Variants in ZFYVE28 observed in about 807,000 individuals in gnomAD.
ZFYVE28 encodes zinc finger FYVE-type containing 28.
A neutral mutation model predicts 82.1 loss-of-function variants in ZFYVE28; 40 were observed. That is an observed-to-expected ratio of 0.49 (90% CI 0.38 to 0.63). The LOEUF is 0.63. Ranked by LOEUF, ZFYVE28 falls within the 30% of genes least tolerant of loss-of-function variation. The pLI is 0.00. For synonymous variants in ZFYVE28, 612 were observed against 546.1 expected, an observed-to-expected ratio of 1.12 and a Z score of -1.68; for missense variants, 1,321 against 1,242.1, an observed-to-expected ratio of 1.06 and a Z score of -0.96.
intron 8 of ZFYVE28, among the ~76,000 whole-genome samples, chr4:2,291,303 C>G (rs369884607): frequency 5.3e-5 from 8 of 152,216 alleles, no homozygotes; most frequent in African/African-American, 1.7e-4. Context: ...GCTGTTCCCC[C>G]TGGAATTTTC....
At chr4:2,381,134 C>T (rs1261685410) in intron 1 of ZFYVE28, among the ~76,000 whole-genome samples, 1 of 150,938 alleles carries the variant, frequency 6.6e-6, no homozygotes, top group East Asian at 2.0e-4. Context: ...AAGGTCCAGG[C>T]TGAGGTGGTC....
intron 8 of ZFYVE28, chr4:2,287,303 T>C (rs6846879): frequency 0.62 from 94,776 of 152,224 alleles, 29,901 homozygotes; most frequent in African/African-American, 0.69. Flanking sequence ...GGGCAGGTTA[T>C]GTGGTCCAGA....
In ZFYVE28 at chr4:2,270,398, G is replaced by T; in HGVS notation, c.*327C>A. On this transcript the variant is annotated 3_prime_UTR_variant, in exon 13 of 13. Coordinates refer to ENST00000290974, the MANE Select transcript of ZFYVE28 (RefSeq NM_020972.3). ...CTTGTCCACCTCCATCACCCGCCCC[G>T]ATTCCCATAGCCCCAGCAGATCTCC... is the stretch of plus-strand genomic sequence containing the variant. 2.8e-6 allele frequency: 1 copy of T among 362,464 alleles called. No individual in the cohort carries two copies. The highest frequency in any genetic ancestry group is 5.2e-6 in the Non-Finnish European group (1 of 192,752). 22.5% of individuals were successfully genotyped at this position (362,464 alleles called of 1,614,324 possible).
rs1178070978 is a variant in ZFYVE28 at position 2,327,180 on chromosome 4, G to A, written c.702-6909C>T. ...CAGGAGAATCGCTTGAACCCAGTAG[G>A]TGGAGGTTGTAGTGAGCTGAGATCG... On this transcript the variant is annotated intron_variant, in intron 6 of 12. Coordinates refer to ENST00000290974, the MANE Select transcript of ZFYVE28 (RefSeq NM_020972.3). Among the ~76,000 whole-genome samples the A allele has an allele frequency of 2.7e-5, 4 of 149,488 alleles. No individual in the cohort carries two copies. In the East Asian group the frequency reaches 7.9e-4, roughly 30 times the overall value.
Position 2,305,189 on chromosome 4 carries a change from G to C in ZFYVE28, c.1151C>G (p.Ser384Cys). 1 of 1,600,694 alleles carries C rather than the reference G, an allele frequency of 6.2e-7. No individual in the cohort carries two copies. Among genetic ancestry groups the C allele is most frequent in the Non-Finnish European group, 8.5e-7 (1 of 1,171,454 alleles). ...TGACCGCAGGCGCGGTCTACCTGGA[G>C]AGGCCTCCCCGCCTGGGCTGCCCTC... ...GAEGSPGGEA[S>C]PGRPRLRSGS... is the part of the protein sequence containing the mutation. Residue 384 changes from serine (S) to cysteine (C), a missense_variant, in exon 8 of 13, where the codon TCT becomes TGT. Around this residue, in one of 2 missense-constraint regions of ZFYVE28, gnomAD observed 978 missense variants for 833.7 expected, o/e 1.17. Transcript: ENST00000290974.
At chr4:2,351,679 A>G (rs977075575) in intron 2 of ZFYVE28, among the ~76,000 whole-genome samples, 3 of 152,066 alleles carry the variant, frequency 2.0e-5, no homozygotes, top group African/African-American at 7.2e-5. Flanking sequence ...GTATGACTGC[A>G]CTCCAGCCTG....
intron 8 of ZFYVE28, among the ~76,000 whole-genome samples, chr4:2,301,708 A>T (rs189343182): frequency 8.6e-5 from 13 of 150,958 alleles, no homozygotes; most frequent in Non-Finnish European, 1.9e-4. Context: ...CAAACCAAAA[A>T]CTCTCCCACT....
intron 7 of ZFYVE28, among the ~76,000 whole-genome samples, chr4:2,319,658 G>A (rs1718755468): frequency 1.3e-5 from 2 of 152,208 alleles, no homozygotes; most frequent in Non-Finnish European, 2.9e-5. Context: ...AGGCCACCCA[G>A]CAAAGCCCTT....
chr4:2,310,591 C>G (rs571286667), intron 7 of ZFYVE28, among the ~76,000 whole-genome samples: 2 of 152,172 alleles, frequency 1.3e-5, no homozygotes, highest in East Asian at 3.9e-4. Flanking sequence ...ATTGCTTGAG[C>G]CCAGGAGTTT....
chr4:2,401,524 G>T (rs1254654593), intron 1 of ZFYVE28, among the ~76,000 whole-genome samples: 1 of 152,202 alleles, frequency 6.6e-6, no homozygotes, highest in Non-Finnish European at 1.5e-5. Flanking sequence ...ACACCAGACG[G>T]TGCTACCTGC....
chr4:2,280,416 G>A (rs1410239491), intron 8 of ZFYVE28, among the ~76,000 whole-genome samples: 1 of 152,170 alleles, frequency 6.6e-6, no homozygotes, highest in African/African-American at 2.4e-5. Flanking sequence ...GCTGAGGTGG[G>A]AGGATCGCTT....
Position 2,270,500 on chromosome 4 carries a change from C to T in ZFYVE28, c.*225G>A. 1.6e-6 allele frequency: 1 copy of T among 630,882 alleles called. No homozygotes were observed. The highest frequency in any genetic ancestry group is 2.7e-6 in the Non-Finnish European group (1 of 373,062). 39.1% of individuals were successfully genotyped at this position (630,882 alleles called of 1,614,324 possible). ...GGCAGCCACCAGGCTCCTCCGGGTC[C>T]CCTGCTGGGCAAAGCTGACCTCTTG... On this transcript the variant is annotated 3_prime_UTR_variant, in exon 13 of 13. Transcript: ENST00000290974.
chr4:2,397,523 AC>A (rs1465109478), intron 1 of ZFYVE28, among the ~76,000 whole-genome samples: 1 of 148,976 alleles, frequency 6.7e-6, no homozygotes, highest in African/African-American at 2.5e-5. Context: ...AACCATCACC[AC>A]CATCCCTTCT....
Position 2,317,145 on chromosome 4 carries a change from T to C in ZFYVE28, c.803+3025A>G, listed in dbSNP as rs200086293. ...CTGGGATTACAGGAATGCACCACCA[T>C]GTCTGGCTAATTTTTGTATTCTTGT... On this transcript the variant is annotated intron_variant, in intron 7 of 12. Coordinates refer to ENST00000290974, the MANE Select transcript of ZFYVE28 (RefSeq NM_020972.3). Among the ~76,000 whole-genome samples the C allele has an allele frequency of 4.6e-5, 7 of 151,988 alleles. No individual in the cohort carries two copies. The East Asian group carries it at 1.2e-3, about 25-fold the overall frequency.
At chr4:2,325,114 C>T (rs1346752750) in intron 6 of ZFYVE28, 1 of 152,286 alleles carries the variant, frequency 6.6e-6, no homozygotes, top group Admixed American at 6.5e-5. Flanking sequence ...TTCATGGTTT[C>T]CTGGCATCAG....
chr4:2,315,954 T>C (rs1406059802), intron 7 of ZFYVE28, among the ~76,000 whole-genome samples: 1 of 152,070 alleles, frequency 6.6e-6, no homozygotes, highest in Non-Finnish European at 1.5e-5. Context: ...TGCTCTATTC[T>C]GGTTTTCTAT....
In ZFYVE28 at chr4:2,271,682, G is replaced by A; in HGVS notation, c.2421C>T (p.Asp807=). 1 of 1,613,842 alleles carries A rather than the reference G, an allele frequency of 6.2e-7. No homozygotes were observed. Among genetic ancestry groups the A allele is most frequent in the South Asian group, 1.1e-5 (1 of 91,086 alleles). Residue 807 remains aspartate, a synonymous_variant, in exon 11 of 13, where the codon GAC becomes GAT. Coordinates refer to ENST00000290974, the MANE Select transcript of ZFYVE28 (RefSeq NM_020972.3). ...CCAGAGCCTCCCACACACCTTCAAA[G>A]TCCCCATCGCGGGTCTTGGCTGCCA... ...SELAAKTRDG[D]FEDPPEWVPD...
In ZFYVE28 at chr4:2,357,762, G is replaced by A. The variant is rs76603620; in HGVS notation, c.40-3689C>T. On this transcript the variant is annotated intron_variant, in intron 1 of 12. Transcript: ENST00000290974. ...AGGTACTGAATTTAGGGCACTGGAT[G>A]ACAACACCTCCTGGAAGCTAAATCT... is the stretch of plus-strand genomic sequence containing the variant. 8.5e-5 allele frequency among the ~76,000 whole-genome samples: 13 copies of A among 152,298 alleles called. No individual in the cohort carries two copies. In the East Asian group the frequency reaches 2.5e-3, roughly 29 times the overall value.
intron 6 of ZFYVE28, among the ~76,000 whole-genome samples, chr4:2,322,852 T>C (rs770240291): frequency 4.2e-4 from 64 of 152,220 alleles, no homozygotes; most frequent in Admixed American, 1.4e-3. Flanking sequence ...TACGTGACCT[T>C]TGTGACCGCT....
Sources: gnomAD v4.1 joint callset for allele counts (sites outside exome capture counted in the v4.1 genomes callset) on GRCh38, gnomAD v4.1.1 for gene constraint, gnomAD v4.1.1 regional missense constraint, MANE v1.5 for transcripts, NCBI Gene and HGNC (gene_info 2026-07-23, HGNC 2026-07-21) for gene names.